The following CDH12 variants were observed in gnomAD, a reference collection of about 807,000 sequenced individuals.
CDH12 encodes cadherin-12.
A neutral mutation model predicts 74.1 loss-of-function variants in CDH12; 41 were observed. The observed-to-expected ratio is 0.55, with a 90% CI of 0.43 to 0.72. The LOEUF is 0.72. Among genes scored for constraint, CDH12 ranks in the 30% least tolerant of loss-of-function variants. The probability of loss-of-function intolerance (pLI) is 0.00; values close to 1 mark genes in which losing one functional copy is unlikely to be tolerated. For missense variants in CDH12, 945 were observed against 977.2 expected (o/e 0.97, Z 0.44); for synonymous variants, 399 against 355.0 (o/e 1.12, Z -1.39).
chr5:21,941,281 A>C (rs1755318205), intron 6 of CDH12, among the ~76,000 whole-genome samples: 1 of 152,184 alleles, frequency 6.6e-6, no homozygotes, highest in Admixed American at 6.5e-5. Context: ...AACTATCTAA[A>C]CATCAAAAAC....
chr5:22,008,609 TTA>T (rs1737106498), intron 5 of CDH12, among the ~76,000 whole-genome samples: 1 of 152,152 alleles, frequency 6.6e-6, no homozygotes, highest in Non-Finnish European at 1.5e-5. Context: ...ATCCTTTGTT[TTA>T]TCTATAAATT....
intron 4 of CDH12, among the ~76,000 whole-genome samples, chr5:22,111,716 C>A (rs564145593): frequency 6.6e-6 from 1 of 152,268 alleles, no homozygotes; most frequent in South Asian, 2.1e-4. Context: ...GTGGAAGAGA[C>A]ACTTTCCGTT....
chr5:22,091,853 T>C (rs558870868), intron 4 of CDH12, among the ~76,000 whole-genome samples: 1 of 151,858 alleles, frequency 6.6e-6, no homozygotes. Context: ...GGCATAAGTA[T>C]ACACCCAGAA....
At chr5:22,370,525 G>T (rs769764903) in intron 3 of CDH12, among the ~76,000 whole-genome samples, 1 of 152,054 alleles carries the variant, frequency 6.6e-6, no homozygotes, top group South Asian at 2.1e-4. Flanking sequence ...TTTTAGAAAC[G>T]TATTTTATAG....
At chr5:21,802,449 A>G (rs374989532) in intron 9 of CDH12, 29 bp from the exon 10 acceptor site, 6 of 1,581,696 alleles carry the variant, frequency 3.8e-6, no homozygotes, top group South Asian at 1.1e-5. Flanking sequence ...AAGAATAAGG[A>G]GTAAATTTAT....
intron 6 of CDH12, among the ~76,000 whole-genome samples, chr5:21,921,029 A>G (rs958891176): frequency 2.0e-5 from 3 of 152,226 alleles, no homozygotes; most frequent in Non-Finnish European, 2.9e-5. Context: ...AAGCAGTTAC[A>G]TACAGAAAAA....
rs562826330 is a variant in CDH12 at position 22,821,447 on chromosome 5, C to T, written c.-523+31611G>A. On this transcript the variant is annotated intron_variant, in intron 1 of 14. Coordinates refer to ENST00000382254, the MANE Select transcript of CDH12 (RefSeq NM_004061.5). ...TTAGGAAAAGAGGAAGTCAAATTGT[C>T]CCTGTTTGGAGATGACATGATTGTA... 7.9e-5 allele frequency among the ~76,000 whole-genome samples: 12 copies of T among 152,244 alleles called. No homozygotes were observed. In the East Asian group the frequency reaches 2.3e-3, roughly 29 times the overall value.
At chr5:22,023,577 CTCTA>C (rs1255022487) in intron 5 of CDH12, among the ~76,000 whole-genome samples, 8 of 148,974 alleles carry the variant, frequency 5.4e-5, no homozygotes, top group Non-Finnish European at 7.4e-5. Flanking sequence ...TATTCTCTCT[CTCTA>C]TATATATATA....
chr5:22,127,498 A>T, intron 4 of CDH12, among the ~76,000 whole-genome samples: 1 of 111,450 alleles, frequency 9.0e-6, no homozygotes, highest in South Asian at 2.7e-4. Flanking sequence ...AAAAAAAGAG[A>T]AAAGTAGGTG....
chr5:22,844,639 T>C (rs1410528601), intron 1 of CDH12, among the ~76,000 whole-genome samples: 1 of 152,144 alleles, frequency 6.6e-6, no homozygotes, highest in Non-Finnish European at 1.5e-5. Context: ...TAAATGTGCA[T>C]ATGTGTCAAG....
At chr5:22,193,581 T>G (rs12332727) in intron 4 of CDH12, among the ~76,000 whole-genome samples, 2,863 of 152,290 alleles carry the variant, frequency 0.019, 36 homozygotes, top group African/African-American at 0.027. Context: ...ATTTGTGTGT[T>G]ATTATCAGAA....
chr5:22,310,570 A>G lies in CDH12; in HGVS notation c.-333+94687T>C, dbSNP rs1209200296. On this transcript the variant is annotated intron_variant, in intron 3 of 14. Transcript: ENST00000382254. Reference sequence around the variant, plus strand: ...TAATTTGATTCCACCACAGTTTTACACTTTCCCTTTTAGCATTTTCAAATT... The same window carrying G: ...TAATTTGATTCCACCACAGTTTTACGCTTTCCCTTTTAGCATTTTCAAATT... Among the ~76,000 whole-genome samples, 5 of 152,124 alleles carry G rather than the reference A, an allele frequency of 3.3e-5. No individual in the cohort carries two copies. In the East Asian group the frequency reaches 7.7e-4, roughly 23 times the overall value.
At chr5:21,879,416 C>T (rs1752124222) in intron 6 of CDH12, among the ~76,000 whole-genome samples, 2 of 151,530 alleles carry the variant, frequency 1.3e-5, no homozygotes, top group South Asian at 4.1e-4. Flanking sequence ...CTCCACAATA[C>T]ATGCAGATAT....
intron 1 of CDH12, among the ~76,000 whole-genome samples, chr5:22,795,617 A>G (rs1156946860): frequency 1.3e-5 from 2 of 151,272 alleles, no homozygotes; most frequent in African/African-American, 2.4e-5. Context: ...ACAAACACAC[A>G]TCTCATCTTG....
In CDH12 at chr5:22,728,101, A is replaced by G. The variant is rs567858378; in HGVS notation, c.-523+124957T>C. Among the ~76,000 whole-genome samples, 3 of 151,960 alleles carry G rather than the reference A, an allele frequency of 2.0e-5. No individual in the cohort carries two copies. The South Asian group carries it at 6.2e-4, about 32-fold the overall frequency. ...TCTTCTAATATTACTGTCAATATAT[A>G]TTAAATCTCTTGCAATTTTTTATCC... On this transcript the variant is annotated intron_variant, in intron 1 of 14. Coordinates refer to ENST00000382254, the MANE Select transcript of CDH12 (RefSeq NM_004061.5).
intron 1 of CDH12, among the ~76,000 whole-genome samples, chr5:22,822,368 C>T (rs1320344679): frequency 2.0e-5 from 3 of 152,020 alleles, no homozygotes; most frequent in South Asian, 2.1e-4. Context: ...CAACAAAAGC[C>T]AAAATTGACA....
chr5:21,970,661 A>G (rs1756803365), intron 6 of CDH12, among the ~76,000 whole-genome samples: 1 of 151,550 alleles, frequency 6.6e-6, no homozygotes, highest in Non-Finnish European at 1.5e-5. Flanking sequence ...CCAATGTGGC[A>G]AAACCCCATC....
chr5:22,447,533 T>A (rs567619578), intron 2 of CDH12, among the ~76,000 whole-genome samples: 1 of 152,162 alleles, frequency 6.6e-6, no homozygotes, highest in Non-Finnish European at 1.5e-5. Context: ...AAACTATTTT[T>A]GTATTAAATA....
intron 10 of CDH12, among the ~76,000 whole-genome samples, chr5:21,790,043 T>G (rs893177265): frequency 6.6e-6 from 1 of 152,092 alleles, no homozygotes; most frequent in Non-Finnish European, 1.5e-5. Context: ...CAATCAATTA[T>G]TTCTGATTTG....
Sources: gnomAD v4.1 joint callset for allele counts (sites outside exome capture counted in the v4.1 genomes callset) on GRCh38, gnomAD v4.1.1 for gene constraint, MANE v1.5 for transcripts, NCBI Gene and HGNC (gene_info 2026-07-23, HGNC 2026-07-21) for gene names.